The following ADGRG4 variants were observed in gnomAD, a reference collection of about 807,000 sequenced individuals.
ADGRG4 encodes the protein adhesion G protein-coupled receptor G4.
In ADGRG4, 122 loss-of-function variants were observed where a neutral mutation model predicts 126.2. The ratio of observed to expected loss-of-function variants is 0.97; its 90% CI spans 0.83 to 1.12. The LOEUF is 1.12. Among genes scored for constraint, ADGRG4 ranks in the 50% most tolerant of loss-of-function variants. The pLI, the probability that ADGRG4 is intolerant of heterozygous loss-of-function variation, is 0.00. For missense variants in ADGRG4, 2,481 were observed against 2,251.8 expected, an observed-to-expected ratio of 1.10 and a Z score of -2.06; for synonymous variants, 943 against 838.7, an observed-to-expected ratio of 1.12 and a Z score of -2.15.
At chrX:136,319,413 T>C (rs1381906543) in intron 4 of ADGRG4, among the ~76,000 whole-genome samples, 1 of 112,404 alleles carries the variant, frequency 8.9e-6, no homozygotes, top group Non-Finnish European at 1.9e-5. Flanking sequence ...TCATCTTTTA[T>C]CATGGCCCTA....
In ADGRG4 at chrX:136,344,438, A is replaced by T; in HGVS notation, c.732A>T (p.Ser244=). The change falls in exon 6 of 26, where the codon TCA becomes TCT. Residue 244 remains serine (S), a synonymous_variant. Coordinates refer to ENST00000394143, the MANE Select transcript of ADGRG4 (RefSeq NM_153834.4). The part of the protein sequence containing the change: ...MTIQEKSTTV[S]QQIDMTTPSQ... ...TTCAAGAAAAAAGTACAACTGTTTC[A>T]CAACAGATAGATATGACCACTCCAT... 8.5e-7 allele frequency: 1 copy of T among 1,181,430 alleles called. No homozygotes were observed. Among genetic ancestry groups the T allele is most frequent in the Non-Finnish European group, 1.1e-6 (1 of 876,568 alleles).
chrX:136,312,142 A>C (rs2074775783), intron 4 of ADGRG4, among the ~76,000 whole-genome samples: 1 of 112,459 alleles, frequency 8.9e-6, no homozygotes, highest in Admixed American at 9.4e-5. Flanking sequence ...TAATTAATTA[A>C]AATTAAGTTA....
Position 136,348,776 on chromosome X carries a change from C to T in ADGRG4, c.5070C>T (p.Ser1690=), listed in dbSNP as rs1231479923. 8.3e-7 allele frequency: 1 copy of T among 1,206,054 alleles called. No homozygotes were observed. ...LSSKSTGAIS[S]IPKTTFSPFL... ...CTAAGAGCACTGGAGCTATTTCCTCCATTCCAAAGACCACATTTTCACCAT... is the reference window on the plus strand; with the variant it reads ...CTAAGAGCACTGGAGCTATTTCCTCTATTCCAAAGACCACATTTTCACCAT... The change falls in exon 6 of 26, where the codon TCC becomes TCT. Residue 1690 remains serine (S), a synonymous_variant. Transcript: ENST00000394143.
In ADGRG4 at chrX:136,350,362, C is replaced by G. The variant is rs370133050; in HGVS notation, c.6656C>G (p.Thr2219Ser). Reference sequence around the variant, plus strand: ...CCAATATCGTCCTTTTTTGAAACAACTTGGCTGGACTCCACACCTTCCTTT... The same window carrying G: ...CCAATATCGTCCTTTTTTGAAACAAGTTGGCTGGACTCCACACCTTCCTTT... ...SSPISSFFET[T>S]WLDSTPSFLS... is the part of the protein sequence containing the mutation. Residue 2219 changes from threonine to serine, a missense_variant, in exon 6 of 26, where the codon ACT becomes AGT. Transcript: ENST00000394143. 4.0e-5 allele frequency: 48 copies of G among 1,208,844 alleles called. No homozygotes were observed. The highest frequency in any genetic ancestry group is 5.4e-5 in the Non-Finnish European group (48 of 894,477).
chrX:136,400,559 A>G (rs1444675464), intron 21 of ADGRG4, among the ~76,000 whole-genome samples: 1 of 112,548 alleles, frequency 8.9e-6, no homozygotes, highest in Non-Finnish European at 1.9e-5. Flanking sequence ...AGACTGAGGC[A>G]CACAGAAAGA....
rs754121695 is a variant in ADGRG4 at position 136,318,209 on chromosome X, T to A, written c.71-4569T>A. On this transcript the variant is annotated intron_variant, in intron 4 of 25. Transcript: ENST00000394143. ...CCATATAATGAATCTTATTAAGCCA[T>A]GGAAAAGGATGAAGTACTGACACAT... Among the ~76,000 whole-genome samples the A allele has an allele frequency of 5.8e-4, 65 of 111,969 alleles. 1 individual carries two copies. The highest frequency in any genetic ancestry group is 8.8e-4 in the Non-Finnish European group (47 of 53,237).
intron 21 of ADGRG4, among the ~76,000 whole-genome samples, chrX:136,400,674 C>T (rs934396253): frequency 1.8e-5 from 2 of 111,771 alleles, no homozygotes; most frequent in African/African-American, 6.5e-5. Flanking sequence ...ATGGTCTTGC[C>T]ATATTGTTTA....
chrX:136,305,820 A>G (rs910296585), intron 3 of ADGRG4, among the ~76,000 whole-genome samples: 1 of 112,181 alleles, frequency 8.9e-6, no homozygotes, highest in Non-Finnish European at 1.9e-5. Context: ...TCAACTAGGA[A>G]CTGAAAATAA....
At chrX:136,305,412 C>T (rs911952091) in intron 3 of ADGRG4, among the ~76,000 whole-genome samples, 1 of 111,596 alleles carries the variant, frequency 9.0e-6, no homozygotes, top group Non-Finnish European at 1.9e-5. Flanking sequence ...ACCCTTGGGA[C>T]CCCAGGGGCC....
chrX:136,347,281 G>T lies in ADGRG4; in HGVS notation c.3575G>T (p.Ser1192Ile), dbSNP rs1289271082. 2 of 1,211,321 alleles carry T rather than the reference G, an allele frequency of 1.7e-6. No individual in the cohort carries two copies. Among genetic ancestry groups the T allele is most frequent in the Non-Finnish European group, 2.2e-6 (2 of 895,213 alleles). ...TYALSFPYTF[S>I]GGGVVASLAT... The stretch of plus-strand genomic sequence containing the variant: ...GCTCTCAGCTTCCCATATACTTTCA[G>T]TGGTGGTGGAGTTGTTGCCAGCTTG... The change falls in exon 6 of 26, where the codon AGT becomes ATT. Residue 1192 changes from serine (S) to isoleucine (I), a missense_variant. Ser to Ile is a moderately radical substitution (Grantham distance 142). Coordinates refer to ENST00000394143, the MANE Select transcript of ADGRG4 (RefSeq NM_153834.4).
intron 5 of ADGRG4, among the ~76,000 whole-genome samples, chrX:136,329,782 C>T (rs2074897266): frequency 9.1e-6 from 1 of 110,044 alleles, no homozygotes; most frequent in African/African-American, 3.3e-5. Context: ...AAACCATCCC[C>T]CTGCTTCAGC....
chrX:136,350,067 T>A lies in ADGRG4; in HGVS notation c.6361T>A (p.Ser2121Thr). ...TTITANPRTV[S>T]HPSSFSRKTM... ...AATAACTGCCAACCCCAGGACTGTGTCTCATCCTTCATCCTTCAGCAGAAA... is the reference window on the plus strand; with the variant it reads ...AATAACTGCCAACCCCAGGACTGTGACTCATCCTTCATCCTTCAGCAGAAA... The change falls in exon 6 of 26, where the codon TCT (serine) becomes ACT (threonine). Residue 2121 changes from serine to threonine, a missense_variant. Ser to Thr is a moderately conservative substitution (Grantham distance 58). Transcript: ENST00000394143. The A allele has an allele frequency of 8.3e-7, 1 of 1,210,523 alleles. No homozygotes were observed. Among genetic ancestry groups the A allele is most frequent in the South Asian group, 1.8e-5 (1 of 56,925 alleles).
chrX:136,383,768 A>G (rs1185198455), intron 15 of ADGRG4, among the ~76,000 whole-genome samples: 1 of 109,716 alleles, frequency 9.1e-6, no homozygotes, highest in Non-Finnish European at 1.9e-5. Flanking sequence ...TATTTATTAT[A>G]GTTGCTTTTT....
In ADGRG4 at chrX:136,308,848, G is replaced by A; in HGVS notation, c.70+1G>A. ...ATGTCGAGTTTTATCTTTCTCTCAG[G>A]TAAGAAAATGTATTCTTATTATCTC... On this transcript the variant is annotated splice_donor_variant, in intron 4 of 25. Coordinates refer to ENST00000394143, the MANE Select transcript of ADGRG4 (RefSeq NM_153834.4). LOFTEE classifies it high-confidence loss of function. 1 of 1,030,770 alleles carries A rather than the reference G, an allele frequency of 9.7e-7. No individual in the cohort carries two copies. The highest frequency in any genetic ancestry group is 1.4e-6 in the Non-Finnish European group (1 of 732,309). 84.9% of individuals were successfully genotyped at this position (1,030,770 alleles called of 1,213,427 possible). A position where few individuals can be genotyped will look rare whatever the true frequency, so the allele number is the denominator to read the frequency against.
intron 15 of ADGRG4, among the ~76,000 whole-genome samples, chrX:136,387,237 G>T (rs1175247095): frequency 8.9e-6 from 1 of 112,272 alleles, no homozygotes; most frequent in Non-Finnish European, 1.9e-5. Context: ...CAGCAGAATT[G>T]CTAAGCGCTA....
intron 12 of ADGRG4, among the ~76,000 whole-genome samples, chrX:136,362,819 A>T (rs1218846249): frequency 9.0e-6 from 1 of 111,595 alleles, no homozygotes; most frequent in African/African-American, 3.3e-5. Flanking sequence ...AGTTTTGTTT[A>T]TACAGCTTTT....
In ADGRG4 at chrX:136,392,315, C is replaced by G. The variant is rs750564961; in HGVS notation, c.7995C>G (p.Asp2665Glu). 13 of 1,185,855 alleles carry G rather than the reference C, an allele frequency of 1.1e-5. No homozygotes were observed. The highest frequency in any genetic ancestry group is 1.3e-5 in the Non-Finnish European group (11 of 878,704). ...ATATGTTCATTCAAAACTTAGCTGA[C>G]CCAGTGGTTATCACTCTGCAGCATA... ...SDDMFIQNLA[D>E]PVVITLQHIG... Residue 2665 changes from aspartate to glutamate, a missense_variant, in exon 17 of 26, where the codon GAC (aspartate) becomes GAG (glutamate). Physicochemically the swap from Asp to Glu is conservative, Grantham distance 45 (BLOSUM62 2). Transcript: ENST00000394143.
intron 7 of ADGRG4, among the ~76,000 whole-genome samples, chrX:136,352,792 G>A (rs1276487100): frequency 2.7e-5 from 3 of 111,870 alleles, no homozygotes; most frequent in African/African-American, 9.7e-5. Context: ...GAAAATGGGT[G>A]GGTGTATTAG....
intron 25 of ADGRG4, among the ~76,000 whole-genome samples, chrX:136,416,018 T>C (rs919800770): frequency 6.2e-5 from 7 of 112,128 alleles, no homozygotes; most frequent in Admixed American, 9.4e-5. Flanking sequence ...CTTGATTCTA[T>C]TAGCAGAGAG....
Sources: allele counts gnomAD v4.1 joint callset (sites outside exome capture counted in the v4.1 genomes callset), GRCh38; gene constraint gnomAD v4.1.1; transcripts MANE v1.5; gene names NCBI Gene and HGNC (gene_info 2026-07-23, HGNC 2026-07-21).